Variants in KRT77 observed in about 807,000 individuals in gnomAD.
The protein encoded by KRT77 is keratin 77.
KRT77 carries 44 observed loss-of-function variants against 51.5 expected under a neutral mutation model. The observed-to-expected ratio is 0.85, with a 90% confidence interval of 0.67 to 1.10. The LOEUF (loss-of-function observed/expected upper bound fraction) is 1.10. Ranked by LOEUF, KRT77 falls within the 50% of genes least tolerant of loss-of-function variation. The pLI is 0.00. For missense variants in KRT77, 763 were observed against 743.9 expected (o/e 1.03, Z -0.30); for synonymous variants, 293 against 302.0 (o/e 0.97, Z 0.31).
chr12:52,694,515 T>C, intron 5 of KRT77, 111 bp downstream of exon 5: 1 of 1,028,808 alleles, frequency 9.7e-7, no homozygotes. Context: ...CTAGAATTTG[T>C]ATAACAAACA....
chr12:52,695,138 A>G (rs893229136), intron 4 of KRT77: 2 of 177,058 alleles, frequency 1.1e-5, no homozygotes, highest in Non-Finnish European at 2.4e-5. Context: ...AGGCAGTAGA[A>G]TGGACTCTAG....
In KRT77 at chr12:52,697,675, G is replaced by A. The variant is rs746869784; in HGVS notation, c.758+7C>T. The stretch of plus-strand genomic sequence containing the variant: ...TCTCCCCTGTTTTGCCCTGCCTGGA[G>A]TCTCACTTGCTCTTGTAGTCCTCCA... On this transcript the variant is annotated splice_region_variant and intron_variant, in intron 2 of 8. Transcript: ENST00000341809. 6.2e-6 allele frequency: 10 copies of A among 1,608,074 alleles called. No homozygotes were observed. Among genetic ancestry groups the A allele is most frequent in the Non-Finnish European group, 8.5e-6 (10 of 1,176,944 alleles).
intron 7 of KRT77, among the ~76,000 whole-genome samples, 154 bp downstream of exon 7, chr12:52,692,267 C>T (rs1264509335): frequency 3.9e-5 from 6 of 152,192 alleles, no homozygotes; most frequent in Non-Finnish European, 8.8e-5. Flanking sequence ...TGTCCATTCA[C>T]ACAGCCTCTG....
At chr12:52,692,714 G>A in intron 6 of KRT77, 41 bp downstream of exon 6, 1 of 1,600,092 alleles carries the variant, frequency 6.2e-7, no homozygotes, top group South Asian at 1.1e-5. Flanking sequence ...CATTGTAGGA[G>A]GTGCAGGGCT....
At chr12:52,692,997 C>G (rs1941740105) in intron 5 of KRT77, 117 bp from the exon 6 acceptor site, 1 of 1,201,318 alleles carries the variant, frequency 8.3e-7, no homozygotes, top group African/African-American at 1.5e-5. Context: ...GCACTGTGGT[C>G]ACCCCTACAT....
intron 8 of KRT77, among the ~76,000 whole-genome samples, chr12:52,691,644 A>T (rs1042362251): frequency 1.3e-5 from 2 of 152,188 alleles, no homozygotes; most frequent in Non-Finnish European, 2.9e-5. Flanking sequence ...TCAGCAACAC[A>T]CTTACATTGT....
chr12:52,695,105 C>T, intron 4 of KRT77: 1 of 200,366 alleles, frequency 5.0e-6, no homozygotes, highest in Non-Finnish European at 1.0e-5. Flanking sequence ...ATGCCTCTTC[C>T]TTGAAACCAC....
At chr12:52,702,480 G>A (rs918922538) in intron 1 of KRT77, among the ~76,000 whole-genome samples, 2 of 150,202 alleles carry the variant, frequency 1.3e-5, no homozygotes, top group East Asian at 2.0e-4. Flanking sequence ...ATGGATGGAC[G>A]GAAGGGTGGA....
At chr12:52,702,589 G>A (rs1592275897) in intron 1 of KRT77, among the ~76,000 whole-genome samples, 1 of 150,408 alleles carries the variant, frequency 6.6e-6, no homozygotes, top group Non-Finnish European at 1.5e-5. Flanking sequence ...GTGTGGATGG[G>A]GATGGATAGA....
At chr12:52,697,931 T>C in intron 1 of KRT77, 35 bp from the exon 2 acceptor site, 1 of 1,595,958 alleles carries the variant, frequency 6.3e-7, no homozygotes, top group Non-Finnish European at 8.6e-7. Flanking sequence ...CCCCAGGCCA[T>C]GGATCAGAGC....
rs1002392829 is a variant in KRT77 at position 52,699,497 on chromosome 12, C to T, written c.544-1601G>A. Among the ~76,000 whole-genome samples the T allele has an allele frequency of 3.9e-5, 6 of 152,200 alleles. No homozygotes were observed. The East Asian group carries it at 9.6e-4, about 24-fold the overall frequency. On this transcript the variant is annotated intron_variant, in intron 1 of 8. Transcript: ENST00000341809. Reference sequence around the variant, plus strand: ...GCCACTGTGTTTTTCCCCAGGTTCCCCAAAACACTCCTGGTCTGTGTCCCA... The same window carrying T: ...GCCACTGTGTTTTTCCCCAGGTTCCTCAAAACACTCCTGGTCTGTGTCCCA...
chr12:52,703,320 A>C lies in KRT77; in HGVS notation c.115T>G (p.Tyr39Asp), dbSNP rs1565656019. Residue 39 changes from tyrosine to aspartate, a missense_variant, in exon 1 of 9, where the codon TAT (tyrosine) becomes GAT (aspartate). Transcript: ENST00000341809. ...GGSPAVGSVCYARGRCGGGGY... is the reference protein window; with the variant it reads ...GGSPAVGSVCDARGRCGGGGY... ...CCACCACCACACCTCCCTCGAGCATAACACACAGAACCCACTGCCGGACTC... is the reference window on the plus strand; with the variant it reads ...CCACCACCACACCTCCCTCGAGCATCACACACAGAACCCACTGCCGGACTC... The C allele has an allele frequency of 5.6e-6, 9 of 1,614,076 alleles. No homozygotes were observed. Among genetic ancestry groups the C allele is most frequent in the Admixed American group, 1.7e-5 (1 of 60,022 alleles).
At chr12:52,695,728 A>G (rs769961149) in intron 4 of KRT77, 44 bp downstream of exon 4, 1 of 1,367,834 alleles carries the variant, frequency 7.3e-7, no homozygotes. Flanking sequence ...ACTCCTTGTG[A>G]GATGTGAGAA....
intron 7 of KRT77, 87 bp from the exon 8 acceptor site, chr12:52,692,059 C>A (rs1373930347): frequency 7.8e-6 from 11 of 1,413,530 alleles, no homozygotes; most frequent in Non-Finnish European, 1.1e-5. Flanking sequence ...TCAGAGGTGT[C>A]CCCAAGCCTT....
At chr12:52,701,437 G>A (rs1273885540) in intron 1 of KRT77, among the ~76,000 whole-genome samples, 1 of 152,162 alleles carries the variant, frequency 6.6e-6, no homozygotes, top group East Asian at 1.9e-4. Flanking sequence ...GATATCAGAG[G>A]CCTGCCCTGC....
intron 3 of KRT77, 49 bp from the exon 4 acceptor site, chr12:52,695,916 G>A (rs757733136): frequency 1.7e-6 from 2 of 1,201,520 alleles, no homozygotes; most frequent in Non-Finnish European, 2.5e-6. Context: ...GGCATTGCCT[G>A]CCACCAGCTC....
chr12:52,698,618 C>T (rs1254486938), intron 1 of KRT77, among the ~76,000 whole-genome samples: 2 of 152,180 alleles, frequency 1.3e-5, no homozygotes, highest in African/African-American at 2.4e-5. Context: ...ACCTCTTCTC[C>T]CAAAACTGTG....
At chr12:52,696,712 G>A (rs921230016) in intron 2 of KRT77, 2 of 371,312 alleles carry the variant, frequency 5.4e-6, no homozygotes, top group South Asian at 7.2e-5. Flanking sequence ...TTATTTTGAT[G>A]TTTTACCTTT....
Position 52,691,008 on chromosome 12 carries a change from T to C in KRT77, c.*157A>G, listed in dbSNP as rs1406753351. On this transcript the variant is annotated 3_prime_UTR_variant, in exon 9 of 9. Coordinates refer to ENST00000341809, the MANE Select transcript of KRT77 (RefSeq NM_175078.3). ...AAGAGAGATCTGCTGTTTGGACTTATCCACCCTGCTTCCCCCATTAGAGTC... is the reference window on the plus strand; with the variant it reads ...AAGAGAGATCTGCTGTTTGGACTTACCCACCCTGCTTCCCCCATTAGAGTC... 5.0e-6 allele frequency: 5 copies of C among 994,816 alleles called. No homozygotes were observed. Among genetic ancestry groups the C allele is most frequent in the African/African-American group, 3.2e-5 (2 of 62,382 alleles). The allele number at this position is 994,816 out of a possible 1,614,324, so 61.6% of individuals were successfully genotyped here.
Sources: allele counts gnomAD v4.1 joint callset (sites outside exome capture counted in the v4.1 genomes callset), GRCh38; gene constraint gnomAD v4.1.1; transcripts MANE v1.5; gene names NCBI Gene and HGNC (gene_info 2026-07-23, HGNC 2026-07-21).